Variants in CACNA2D3 observed in about 807,000 individuals in gnomAD.
CACNA2D3 encodes voltage-dependent calcium channel subunit alpha-2/delta-3.
In CACNA2D3, 60 loss-of-function variants were observed where a neutral mutation model predicts 160.6. That is an observed-to-expected ratio of 0.37 (90% CI 0.30 to 0.46). The LOEUF (loss-of-function observed/expected upper bound fraction) is 0.46. Ranked by LOEUF, CACNA2D3 falls within the 20% of genes least tolerant of loss-of-function variation. CACNA2D3 has a pLI of 1.00. For synonymous variants in CACNA2D3, 558 were observed against 492.9 expected (o/e 1.13, Z -1.75); for missense variants, 1,205 against 1,365.0 (o/e 0.88, Z 1.85).
chr3:54,457,330 A>G (rs1559486068), intron 4 of CACNA2D3, among the ~76,000 whole-genome samples: 2 of 152,058 alleles, frequency 1.3e-5, no homozygotes, highest in African/African-American at 4.8e-5. Context: ...TTGTTGTTCA[A>G]GAGCATGTTG....
chr3:54,747,227 C>G lies in CACNA2D3; in HGVS notation c.1168-5372C>G, dbSNP rs567238647. On this transcript the variant is annotated intron_variant, in intron 11 of 37. Transcript: ENST00000474759. The stretch of plus-strand genomic sequence containing the variant: ...TGTATATCCCTGGGCCTACTTTATT[C>G]TGAACCTCGGGAGGGTGGGTGCTAT... Among the ~76,000 whole-genome samples, 12 of 152,216 alleles carry G rather than the reference C, an allele frequency of 7.9e-5. No individual in the cohort carries two copies. In the South Asian group the frequency reaches 1.2e-3, roughly 16 times the overall value.
intron 2 of CACNA2D3, among the ~76,000 whole-genome samples, chr3:54,252,297 AGTCATACTATGGATATACAAGG>A (rs997144636): frequency 7.9e-5 from 12 of 152,138 alleles, no homozygotes; most frequent in Non-Finnish European, 1.6e-4. Flanking sequence ...ATTTATAATT[AGTCATACTATGGATATACAAGG>A]ACTTACTTGT....
chr3:54,427,793 A>T, intron 4 of CACNA2D3, among the ~76,000 whole-genome samples: 1 of 152,302 alleles, frequency 6.6e-6, no homozygotes, highest in South Asian at 2.1e-4. Context: ...AGGACATGGT[A>T]TGGGGAACAA....
chr3:54,411,950 T>C (rs1448595280), intron 4 of CACNA2D3, among the ~76,000 whole-genome samples: 4 of 152,172 alleles, frequency 2.6e-5, no homozygotes, highest in Non-Finnish European at 5.9e-5. Flanking sequence ...GTCGGAAAAC[T>C]TGAAGTTTGA....
Position 54,925,174 on chromosome 3 carries a change from C to G in CACNA2D3, c.2449+25306C>G, listed in dbSNP as rs377265977. The G allele has an allele frequency of 1.7e-5, 27 of 1,613,906 alleles. No individual in the cohort carries two copies. Among genetic ancestry groups the G allele is most frequent in the Non-Finnish European group, 2.2e-5 (26 of 1,179,990 alleles). ...CACTTGTCCGGGCAGCTGCATACCA[C>G]CTGGAGCAGGACAATCACACTGGAA... On this transcript the variant is annotated intron_variant, in intron 27 of 37. Transcript: ENST00000474759.
chr3:55,062,447 G>T (rs912107050), intron 35 of CACNA2D3, among the ~76,000 whole-genome samples: 1 of 152,020 alleles, frequency 6.6e-6, no homozygotes, highest in Non-Finnish European at 1.5e-5. Flanking sequence ...ATTCAATGAC[G>T]TGTAGAAAAC....
intron 29 of CACNA2D3, among the ~76,000 whole-genome samples, chr3:54,973,035 C>G (rs2107078610): frequency 6.6e-6 from 1 of 152,202 alleles, no homozygotes; most frequent in Admixed American, 6.5e-5. Flanking sequence ...TGTGGTAAGT[C>G]CTGCAGAGTA....
At chr3:55,035,993 C>G (rs1703808362) in intron 35 of CACNA2D3, among the ~76,000 whole-genome samples, 1 of 152,192 alleles carries the variant, frequency 6.6e-6, no homozygotes, top group African/African-American at 2.4e-5. Flanking sequence ...TGCCCCTTTG[C>G]TGTGTAGATA....
intron 9 of CACNA2D3, among the ~76,000 whole-genome samples, chr3:54,619,824 C>T (rs1457333346): frequency 1.3e-5 from 2 of 152,126 alleles, no homozygotes; most frequent in Non-Finnish European, 2.9e-5. Flanking sequence ...ACTGCCCTAA[C>T]ATCCCTGAGA....
At chr3:54,659,195 G>C (rs781116650) in intron 11 of CACNA2D3, among the ~76,000 whole-genome samples, 2 of 152,138 alleles carry the variant, frequency 1.3e-5, no homozygotes, top group Non-Finnish European at 2.9e-5. Context: ...GTAAATTTTT[G>C]TTATGTCATC....
intron 4 of CACNA2D3, among the ~76,000 whole-genome samples, chr3:54,406,563 G>GA (rs1199516929): frequency 6.6e-6 from 1 of 151,754 alleles, no homozygotes; most frequent in Admixed American, 6.6e-5. Flanking sequence ...AACACAGAAA[G>GA]AAAAATATTT....
chr3:54,134,843 T>A (rs1389946117), intron 2 of CACNA2D3, among the ~76,000 whole-genome samples: 1 of 152,218 alleles, frequency 6.6e-6, no homozygotes, highest in Non-Finnish European at 1.5e-5. Flanking sequence ...AGCATCCAGT[T>A]GGGCTGAGGG....
intron 9 of CACNA2D3, among the ~76,000 whole-genome samples, chr3:54,625,104 C>T (rs1046516225): frequency 1.3e-5 from 2 of 152,172 alleles, no homozygotes; most frequent in Non-Finnish European, 2.9e-5. Context: ...GCTCCTGGCC[C>T]TGAGACTGCC....
intron 4 of CACNA2D3, among the ~76,000 whole-genome samples, chr3:54,484,886 G>C (rs1700992237): frequency 6.8e-6 from 1 of 147,454 alleles, no homozygotes; most frequent in African/African-American, 2.5e-5. Context: ...TTACTCTGTT[G>C]CCTGGGCTGG....
intron 8 of CACNA2D3, among the ~76,000 whole-genome samples, chr3:54,581,067 A>G (rs1017194253): frequency 2.0e-5 from 3 of 152,200 alleles, no homozygotes; most frequent in South Asian, 2.1e-4. Flanking sequence ...CTGCACAGCA[A>G]TGGGAGCTGT....
chr3:54,475,323 T>C (rs1450881513), intron 4 of CACNA2D3, among the ~76,000 whole-genome samples: 1 of 152,202 alleles, frequency 6.6e-6, no homozygotes, highest in Non-Finnish European at 1.5e-5. Flanking sequence ...TTGCCAGTGA[T>C]CTGCTTGTTG....
At chr3:54,140,792 G>T (rs1699910749) in intron 2 of CACNA2D3, among the ~76,000 whole-genome samples, 1 of 152,200 alleles carries the variant, frequency 6.6e-6, no homozygotes, top group Admixed American at 6.5e-5. Flanking sequence ...TGGGCTCTCA[G>T]TTGCTACTGC....
chr3:54,706,105 A>G (rs1700853589), intron 11 of CACNA2D3, among the ~76,000 whole-genome samples: 2 of 152,222 alleles, frequency 1.3e-5, no homozygotes, highest in South Asian at 2.1e-4. Context: ...CAGTTCTTCC[A>G]TGGATCCAGC....
rs550754060 is a variant in CACNA2D3, at chr3:54,730,977, T to C, written c.1168-21622T>C. ...AAGAGATCAAGTAACAATGTCATCA[T>C]AATGAGAAAGATGGGGAACTGTGCT... On this transcript the variant is annotated intron_variant, in intron 11 of 37. Transcript: ENST00000474759. Among the ~76,000 whole-genome samples, 4 of 152,346 alleles carry C rather than the reference T, an allele frequency of 2.6e-5. No homozygotes were observed. The South Asian group carries it at 8.3e-4, about 32-fold the overall frequency.
Sources: allele counts gnomAD v4.1 joint callset (sites outside exome capture counted in the v4.1 genomes callset), GRCh38; gene constraint gnomAD v4.1.1; transcripts MANE v1.5; gene names NCBI Gene and HGNC (gene_info 2026-07-23, HGNC 2026-07-21).